SLX9: variants seen among roughly 807,000 people sequenced by gnomAD.
The protein encoded by SLX9 is SLX9 ribosome biogenesis factor.
A neutral mutation model predicts 20.8 loss-of-function variants in SLX9; 19 were observed. The ratio of observed to expected loss-of-function variants is 0.91; its 90% CI spans 0.64 to 1.34. The LOEUF (loss-of-function observed/expected upper bound fraction) is 1.34, where lower values mean the gene tolerates loss of function less well. Ranked by LOEUF, SLX9 falls within the 40% of genes most tolerant of loss-of-function variation. SLX9 has a pLI of 0.00. For missense variants in SLX9, 299 were observed against 322.2 expected (o/e 0.93, Z 0.55); for synonymous variants, 113 against 137.1 (o/e 0.82, Z 1.23).
intron 5 of SLX9, among the ~76,000 whole-genome samples, chr21:44,974,441 G>C (rs2085224599): frequency 6.6e-6 from 1 of 152,188 alleles, no homozygotes; most frequent in Non-Finnish European, 1.5e-5. Flanking sequence ...GCACTTACTG[G>C]ATCTCTCTAA....
chr21:44,966,596 C>T (rs1294426819), intron 3 of SLX9, among the ~76,000 whole-genome samples: 3 of 152,170 alleles, frequency 2.0e-5, no homozygotes, highest in Non-Finnish European at 1.5e-5. Flanking sequence ...TGTCCTGGGG[C>T]TTCTCCCCTT....
chr21:44,953,516 C>T (rs1394374916), intron 2 of SLX9, among the ~76,000 whole-genome samples: 1 of 151,594 alleles, frequency 6.6e-6, no homozygotes, highest in African/African-American at 2.4e-5. Context: ...GGCCCTGCAT[C>T]CGGGCCTCGG....
chr21:44,967,505 C>G (rs2085060453), intron 4 of SLX9, among the ~76,000 whole-genome samples: 1 of 152,146 alleles, frequency 6.6e-6, no homozygotes, highest in Non-Finnish European at 1.5e-5. Flanking sequence ...GGGGGTCCCC[C>G]CAACTCACTG....
chr21:44,955,715 C>T (rs1036986409), intron 2 of SLX9, among the ~76,000 whole-genome samples: 1 of 152,198 alleles, frequency 6.6e-6, no homozygotes, highest in African/African-American at 2.4e-5. Flanking sequence ...TGTGTCTGCC[C>T]CTGCTGCTTC....
chr21:44,950,419 G>A (rs540937415), intron 2 of SLX9, among the ~76,000 whole-genome samples: 22 of 152,360 alleles, frequency 1.4e-4, no homozygotes, highest in Admixed American at 4.6e-4. Flanking sequence ...AGATGGCCTC[G>A]GCTTGGCCGC....
chr21:44,949,376 G>A (rs1038677097), intron 2 of SLX9, among the ~76,000 whole-genome samples: 20 of 152,050 alleles, frequency 1.3e-4, no homozygotes, highest in Non-Finnish European at 2.9e-5. Flanking sequence ...TGGATCCTAG[G>A]GATGCAGCCC....
chr21:44,958,834 TG>T (rs1248490306), intron 2 of SLX9, among the ~76,000 whole-genome samples: 1 of 152,190 alleles, frequency 6.6e-6, no homozygotes, highest in Non-Finnish European at 1.5e-5. Flanking sequence ...GGGAGCTCCC[TG>T]GGGCCAGAGC....
intron 5 of SLX9, 93 bp from the exon 6 acceptor site, chr21:44,976,587 G>A: frequency 6.6e-7 from 1 of 1,508,532 alleles, no homozygotes; most frequent in Non-Finnish European, 8.9e-7. Flanking sequence ...CCAGGCCTCT[G>A]CCATTCATTT....
intron 3 of SLX9, among the ~76,000 whole-genome samples, chr21:44,964,356 A>G (rs1040531693): frequency 2.6e-5 from 4 of 151,862 alleles, no homozygotes; most frequent in Non-Finnish European, 1.5e-5. Context: ...TTTTTCCCCA[A>G]TATGTGTTGA....
At chr21:44,971,342 C>G (rs55859454) in intron 4 of SLX9, among the ~76,000 whole-genome samples, 2 of 151,702 alleles carry the variant, frequency 1.3e-5, no homozygotes, top group African/African-American at 2.4e-5. Context: ...TGACGGTAAC[C>G]GCCCAGCACT....
rs2085108567 is a variant in SLX9 at position 44,969,741 on chromosome 21, G to T, written c.500+2560G>T. On this transcript the variant is annotated intron_variant, in intron 4 of 5. Transcript: ENST00000291634. The stretch of plus-strand genomic sequence containing the variant: ...CAGTATCAACAGAGAAATAGTGAGC[G>T]TTAAGTAATTAATAGTTAACTAAAG... Among the ~76,000 whole-genome samples, 3 of 148,598 alleles carry T rather than the reference G, an allele frequency of 2.0e-5. No homozygotes were observed. In the South Asian group the frequency reaches 6.2e-4, roughly 31 times the overall value.
intron 5 of SLX9, among the ~76,000 whole-genome samples, chr21:44,976,047 C>T (rs1268316782): frequency 6.6e-6 from 1 of 152,260 alleles, no homozygotes; most frequent in Non-Finnish European, 1.5e-5. Context: ...CAGAGCCCGT[C>T]TGGGAGCTGC....
At chr21:44,966,488 G>A (rs2085037969) in intron 3 of SLX9, among the ~76,000 whole-genome samples, 1 of 152,168 alleles carries the variant, frequency 6.6e-6, no homozygotes, top group Non-Finnish European at 1.5e-5. Context: ...CAAATCCCAA[G>A]GCCATACCCC....
At chr21:44,961,560 C>T (rs551039442) in intron 3 of SLX9, among the ~76,000 whole-genome samples, 101 of 152,196 alleles carry the variant, frequency 6.6e-4, no homozygotes, top group Non-Finnish European at 1.1e-3. Flanking sequence ...GCACTCCAGC[C>T]TGGGTGACAG....
intron 2 of SLX9, chr21:44,959,292 T>C: frequency 1.0e-6 from 1 of 982,324 alleles, no homozygotes; most frequent in Non-Finnish European, 1.2e-6. Context: ...AGATGTGTTC[T>C]GGGGAGAATG....
At chr21:44,942,122 G>C (rs2084561326) in intron 1 of SLX9, among the ~76,000 whole-genome samples, 1 of 152,190 alleles carries the variant, frequency 6.6e-6, no homozygotes, top group African/African-American at 2.4e-5. Flanking sequence ...GCATTAATGA[G>C]ATATAAAGTG....
At position 44,943,721 on chromosome 21, in the gene SLX9, C is replaced by T; in HGVS notation, c.167C>T (p.Thr56Ile). ...AFINTNIFAR[T>I]KIDPSALVQK... ...ATCAACACCAACATCTTTGCCAGGACCAAGATAGACCCCAGCGCCTTGGTG... is the reference window on the plus strand; with the variant it reads ...ATCAACACCAACATCTTTGCCAGGATCAAGATAGACCCCAGCGCCTTGGTG... Residue 56 changes from threonine to isoleucine, a missense_variant, in exon 2 of 6, where the codon ACC (threonine) becomes ATC (isoleucine). Transcript: ENST00000291634. 1 of 1,614,178 alleles carries T rather than the reference C, an allele frequency of 6.2e-7. No homozygotes were observed. The highest frequency in any genetic ancestry group is 1.1e-5 in the South Asian group (1 of 91,086).
chr21:44,969,156 TGGCCCAGCTGCCCA>T (rs2085095602), intron 4 of SLX9: 1 of 470,728 alleles, frequency 2.1e-6, no homozygotes, highest in African/African-American at 2.0e-5. Context: ...CATCCTTTCA[TGGCCCAGCTGCCCA>T]GGCTCGAGGG....
intron 1 of SLX9, among the ~76,000 whole-genome samples, chr21:44,942,153 G>C (rs912040553): frequency 2.6e-5 from 4 of 152,164 alleles, no homozygotes; most frequent in African/African-American, 9.7e-5. Flanking sequence ...GAATGTCCCA[G>C]GTACAGTGGG....
Sources: gnomAD v4.1 joint callset for allele counts (sites outside exome capture counted in the v4.1 genomes callset) on GRCh38, gnomAD v4.1.1 for gene constraint, MANE v1.5 for transcripts, NCBI Gene and HGNC (gene_info 2026-07-23, HGNC 2026-07-21) for gene names.